Variants in CCPG1 observed in about 807,000 individuals in gnomAD.
CCPG1 encodes cell cycle progression 1, also known as cell cycle progression protein 1.
A neutral mutation model predicts 81.3 loss-of-function variants in CCPG1; 46 were observed. That is an observed-to-expected ratio of 0.57 (90% CI 0.45 to 0.72). The LOEUF is 0.72. Among genes scored for constraint, CCPG1 ranks in the 30% least tolerant of loss-of-function variants. CCPG1 has a pLI of 0.00. For missense variants in CCPG1, 902 were observed against 937.6 expected, an observed-to-expected ratio of 0.96 and a Z score of 0.50; for synonymous variants, 330 against 305.2, an observed-to-expected ratio of 1.08 and a Z score of -0.85.
chr15:55,383,574 T>C (rs749259497), intron 3 of CCPG1, among the ~76,000 whole-genome samples: 8 of 152,246 alleles, frequency 5.3e-5, no homozygotes, highest in Non-Finnish European at 8.8e-5. Context: ...AGTTGTGTCA[T>C]CTATACTGAA....
chr15:55,359,934 A>C lies in CCPG1; in HGVS notation c.1839T>G (p.Ser613Arg), dbSNP rs780029619. The change falls in exon 8 of 9, where the codon AGT becomes AGG. Residue 613 changes from serine (S) to arginine (R), a missense_variant. Physicochemically the swap from Ser to Arg is moderately radical, Grantham distance 110. Coordinates refer to ENST00000442196, the MANE Select transcript of CCPG1 (RefSeq NM_001204450.2). ...FRKNTNSKKC[S>R]PGHDCRENSH... The stretch of plus-strand genomic sequence containing the variant: ...AATTTTCTCTACAATCATGCCCAGG[A>C]CTGCATTTCTTTGAATTTGTATTTT... 12 of 1,613,474 alleles carry C rather than the reference A, an allele frequency of 7.4e-6. No homozygotes were observed. Among genetic ancestry groups the C allele is most frequent in the Non-Finnish European group, 5.1e-6 (6 of 1,179,908 alleles).
rs150395929 is a variant in CCPG1 at position 55,364,277 on chromosome 15, A to G, written c.828+911T>C. On this transcript the variant is annotated intron_variant, in intron 7 of 8. Coordinates refer to ENST00000442196, the MANE Select transcript of CCPG1 (RefSeq NM_001204450.2). ...GAGATCTAGGTGAGTTATAGGCAGA[A>G]AAAGATAACATGCTCTCCCTTCCAT... Among the ~76,000 whole-genome samples the G allele has an allele frequency of 2.1e-3, 311 of 150,618 alleles. 1 individual carries two copies. Among genetic ancestry groups the G allele is most frequent in the African/African-American group, 7.2e-3 (299 of 41,380 alleles).
At chr15:55,391,543 G>T (rs1229202107) in intron 1 of CCPG1, among the ~76,000 whole-genome samples, 1 of 142,760 alleles carries the variant, frequency 7.0e-6, no homozygotes, top group African/African-American at 3.0e-5. Flanking sequence ...ATTATGCAAT[G>T]ACAGAAATAC....
At chr15:55,365,095 A>G in intron 7 of CCPG1, 93 bp downstream of exon 7, 1 of 725,676 alleles carries the variant, frequency 1.4e-6, no homozygotes, top group East Asian at 2.6e-5. Context: ...ATTATTACTG[A>G]TTTACTAATC....
At chr15:55,366,033 A>G (rs1274984903) in intron 6 of CCPG1, among the ~76,000 whole-genome samples, 1 of 152,208 alleles carries the variant, frequency 6.6e-6, no homozygotes, top group African/African-American at 2.4e-5. Context: ...AGTAAGGCCA[A>G]GTAGGCTAGT....
chr15:55,372,190 A>T (rs1418981525), intron 5 of CCPG1, 146 bp from the exon 6 acceptor site: 3 of 717,386 alleles, frequency 4.2e-6, no homozygotes, highest in Non-Finnish European at 6.8e-6. Context: ...ATAAACAAAA[A>T]CACGGGTTTT....
chr15:55,388,768 A>T (rs2056854356), intron 2 of CCPG1, among the ~76,000 whole-genome samples: 1 of 87,662 alleles, frequency 1.1e-5, no homozygotes, highest in Non-Finnish European at 3.4e-5. Context: ...TGTCCCTTTA[A>T]AAAAAAAAAA....
intron 2 of CCPG1, among the ~76,000 whole-genome samples, chr15:55,388,842 A>G (rs7170157): frequency 0.18 from 26,842 of 151,596 alleles, 4,107 homozygotes; most frequent in African/African-American, 0.42. Flanking sequence ...AAGCCGAGGC[A>G]GATGGATCAC....
chr15:55,397,213 CA>C (rs1172047773), intron 1 of CCPG1, among the ~76,000 whole-genome samples: 2 of 112,608 alleles, frequency 1.8e-5, no homozygotes, highest in African/African-American at 6.1e-5. Context: ...GACTCCGTCT[CA>C]AAAAAAAACA....
chr15:55,356,538 C>A, intron 8 of CCPG1, 129 bp from the exon 9 acceptor site: 2 of 1,280,490 alleles, frequency 1.6e-6, no homozygotes, highest in Non-Finnish European at 2.0e-6. Context: ...ATCTGAATTA[C>A]AATCCTAGTA....
In CCPG1 at chr15:55,360,912, T is replaced by C; in HGVS notation, c.861A>G (p.Thr287=). 4 of 1,554,342 alleles carry C rather than the reference T, an allele frequency of 2.6e-6. No individual in the cohort carries two copies. Among genetic ancestry groups the C allele is most frequent in the South Asian group, 2.4e-5 (2 of 82,660 alleles). The change falls in exon 8 of 9, where the codon ACA becomes ACG. Residue 287 remains threonine (T), a synonymous_variant. Coordinates refer to ENST00000442196, the MANE Select transcript of CCPG1 (RefSeq NM_001204450.2). ...AGGACATCTTCTCTGCTTCAGTAAG[T>C]GTCCAACACCTTGCAAGATTTTCTT... ...SLKENLARCW[T]LTEAEKMSFE...
At chr15:55,363,861 T>C (rs935514132) in intron 7 of CCPG1, among the ~76,000 whole-genome samples, 2 of 131,526 alleles carry the variant, frequency 1.5e-5, no homozygotes, top group Non-Finnish European at 3.1e-5. Flanking sequence ...CGGAGTGCAA[T>C]AGTGTGATCT....
chr15:55,387,203 C>G (rs1345913526), intron 2 of CCPG1, among the ~76,000 whole-genome samples: 1 of 152,172 alleles, frequency 6.6e-6, no homozygotes, highest in South Asian at 2.1e-4. Flanking sequence ...ACAGAACACC[C>G]TAATGACACA....
rs762998490 is a variant in CCPG1, at chr15:55,356,355, T to C, written c.2289A>G (p.Lys763=). ...GTGGCTGAAGGTGCTTCTGCTCTTG[T>C]TTTCGATGCCTGGAGTTTTCAATAT... ...MVNIENSRHR[K]QEQKHLQPQP... The change falls in exon 9 of 9, where the codon AAA becomes AAG. Residue 763 remains lysine, a synonymous_variant. Transcript: ENST00000442196. 2.6e-6 allele frequency: 4 copies of C among 1,535,646 alleles called. No homozygotes were observed. The highest frequency in any genetic ancestry group is 2.4e-5 in the South Asian group (2 of 83,928).
At chr15:55,380,013 T>C (rs1272544971) in intron 3 of CCPG1, among the ~76,000 whole-genome samples, 1 of 151,046 alleles carries the variant, frequency 6.6e-6, no homozygotes, top group African/African-American at 2.4e-5. Context: ...GGCAGGAGAA[T>C]TGCTTGAACC....
In CCPG1 at chr15:55,360,595, G is replaced by A; in HGVS notation, c.1178C>T (p.Thr393Ile). 6.2e-7 allele frequency: 1 copy of A among 1,614,072 alleles called. No homozygotes were observed. Among genetic ancestry groups the A allele is most frequent in the Non-Finnish European group, 8.5e-7 (1 of 1,180,004 alleles). The change falls in exon 8 of 9, where the codon ACT becomes ATT. Residue 393 changes from threonine (T) to isoleucine (I), a missense_variant. Thr to Ile is a moderately conservative substitution (Grantham distance 89). Around this residue, in one of 3 missense-constraint regions of CCPG1, gnomAD observed 746 missense variants for 728.6 expected, o/e 1.02. Coordinates refer to ENST00000442196, the MANE Select transcript of CCPG1 (RefSeq NM_001204450.2). ...KRELERERLV[T>I]TALRGELQQL... ...CTGGAGTTCCCCCCTTAAAGCCGTA[G>A]TTACTAGTCGTTCTCTCTCCAGTTC...
chr15:55,367,606 G>T (rs1376421391), intron 6 of CCPG1, among the ~76,000 whole-genome samples: 1 of 116,752 alleles, frequency 8.6e-6, no homozygotes, highest in Non-Finnish European at 1.8e-5. Context: ...TGTGTAGGGG[G>T]CCTGTTTGTA....
At chr15:55,391,307 C>A (rs753475669) in intron 1 of CCPG1, among the ~76,000 whole-genome samples, 1 of 151,954 alleles carries the variant, frequency 6.6e-6, no homozygotes, top group Non-Finnish European at 1.5e-5. Flanking sequence ...GTAGAGACAA[C>A]GTTTGGCCAT....
chr15:55,362,467 TCA>T (rs2141246862), intron 7 of CCPG1, among the ~76,000 whole-genome samples: 1 of 152,310 alleles, frequency 6.6e-6, no homozygotes, highest in African/African-American at 2.4e-5. Context: ...TAAAATTTAA[TCA>T]CAGTCATTTC....
Sources: gnomAD v4.1 joint callset for allele counts (sites outside exome capture counted in the v4.1 genomes callset) on GRCh38, gnomAD v4.1.1 for gene constraint, gnomAD v4.1.1 regional missense constraint, MANE v1.5 for transcripts, NCBI Gene and HGNC (gene_info 2026-07-23, HGNC 2026-07-21) for gene names.